Variants in AIM2 observed in about 807,000 individuals in gnomAD.
AIM2 encodes interferon-inducible protein AIM2.
In AIM2, 30 loss-of-function variants were observed where a neutral mutation model predicts 27.7. The observed-to-expected ratio is 1.08, with a 90% confidence interval of 0.81 to 1.47. The LOEUF is 1.47. Among genes scored for constraint, AIM2 ranks in the 40% most tolerant of loss-of-function variants. AIM2 has a pLI of 0.00. For synonymous variants in AIM2, 141 were observed against 145.3 expected (o/e 0.97, Z 0.21); for missense variants, 358 against 411.3 (o/e 0.87, Z 1.12).
At chr1:159,070,843 C>T (rs1422517193) in intron 2 of AIM2, among the ~76,000 whole-genome samples, 1 of 152,158 alleles carries the variant, frequency 6.6e-6, no homozygotes, top group Non-Finnish European at 1.5e-5. Flanking sequence ...CAGATAAAGT[C>T]TCTCTTCTAT....
At chr1:159,101,950 C>T (rs1019925007) in intron 1 of AIM2, among the ~76,000 whole-genome samples, 2 of 152,092 alleles carry the variant, frequency 1.3e-5, no homozygotes, top group Non-Finnish European at 2.9e-5. Context: ...CAGAAATTTG[C>T]GTAAGTAATG....
chr1:159,058,336 A>G (rs991156805), downstream of AIM2, among the ~76,000 whole-genome samples: 3 of 127,000 alleles, frequency 2.4e-5, no homozygotes, highest in African/African-American at 9.2e-5. Flanking sequence ...GTGACAGAGC[A>G]AGATTCTGTC....
At chr1:159,060,387 A>G (rs1210967744), downstream of AIM2, among the ~76,000 whole-genome samples, 1 of 152,224 alleles carries the variant, frequency 6.6e-6, no homozygotes, top group Non-Finnish European at 1.5e-5. Context: ...CCATAATTCT[A>G]TCTTCCAACC....
At chr1:159,137,976 C>CTGGTA (rs1648042590) in intron 1 of AIM2, among the ~76,000 whole-genome samples, 1 of 152,078 alleles carries the variant, frequency 6.6e-6, no homozygotes, top group South Asian at 2.1e-4. Context: ...TGCAAGGGTG[C>CTGGTA]TGGTATGGCA....
chr1:159,115,396 A>G (rs1647305498), intron 1 of AIM2, among the ~76,000 whole-genome samples: 2 of 152,192 alleles, frequency 1.3e-5, no homozygotes, highest in African/African-American at 4.8e-5. Flanking sequence ...AGCCAAAAGA[A>G]CAAAGCTGGA....
intron 1 of AIM2, among the ~76,000 whole-genome samples, chr1:159,134,964 A>G (rs774097394): frequency 7.2e-5 from 11 of 152,200 alleles, no homozygotes; most frequent in Non-Finnish European, 1.2e-4. Flanking sequence ...TATCTTTCAG[A>G]TTCAAGTCAA....
intron 1 of AIM2, among the ~76,000 whole-genome samples, chr1:159,137,880 C>T (rs1356218711): frequency 2.0e-5 from 3 of 152,128 alleles, no homozygotes; most frequent in Admixed American, 6.5e-5. Context: ...GAACGACATC[C>T]CTCATGAGAT....
At chr1:159,139,942 C>G (rs541531123) in intron 1 of AIM2, among the ~76,000 whole-genome samples, 6 of 152,296 alleles carry the variant, frequency 3.9e-5, no homozygotes, top group African/African-American at 1.4e-4. Context: ...TTAAGCACCT[C>G]CATTACCATG....
chr1:159,110,480 T>C (rs560611077), intron 1 of AIM2, among the ~76,000 whole-genome samples: 2 of 152,214 alleles, frequency 1.3e-5, no homozygotes, highest in African/African-American at 2.4e-5. Flanking sequence ...CCAAATTCTA[T>C]GTTCCTTTAG....
intron 2 of AIM2, among the ~76,000 whole-genome samples, 157 bp downstream of exon 2, chr1:159,073,081 C>T (rs372631341): frequency 3.9e-5 from 6 of 152,086 alleles, no homozygotes; most frequent in South Asian, 4.1e-4. Context: ...TTCCTAGAAG[C>T]GATTCTCAGT....
At chr1:159,093,108 T>C (rs1427271963) in intron 1 of AIM2, among the ~76,000 whole-genome samples, 1 of 152,048 alleles carries the variant, frequency 6.6e-6, no homozygotes, top group African/African-American at 2.4e-5. Flanking sequence ...GGCTGAAATC[T>C]TAACCCCATA....
intron 1 of AIM2, among the ~76,000 whole-genome samples, chr1:159,093,704 A>G (rs1009658575): frequency 1.0e-3 from 155 of 150,982 alleles, no homozygotes; most frequent in African/African-American, 3.6e-3. Flanking sequence ...ATATATATAT[A>G]CATATATATG....
intron 1 of AIM2, among the ~76,000 whole-genome samples, chr1:159,094,125 C>G: frequency 6.6e-6 from 1 of 152,090 alleles, no homozygotes; most frequent in South Asian, 2.1e-4. Context: ...TAATAAGACA[C>G]AAAATTTAGT....
intron 4 of AIM2, 52 bp from the exon 5 acceptor site, chr1:159,063,726 G>T (rs376576863): frequency 6.5e-7 from 1 of 1,539,592 alleles, no homozygotes; most frequent in Non-Finnish European, 8.9e-7. Flanking sequence ...AATGAATGCC[G>T]CATCAGTCAC....
the AIM2 span, among the ~76,000 whole-genome samples, chr1:159,056,350 T>C: frequency 1.3e-5 from 2 of 152,110 alleles, no homozygotes; most frequent in Non-Finnish European, 2.9e-5. Context: ...CTGGAGTTTC[T>C]CTGGGGACCC....
At chr1:159,111,827 CTATCATCTATCT>C (rs1429536067) in intron 1 of AIM2, among the ~76,000 whole-genome samples, 1 of 132,296 alleles carries the variant, frequency 7.6e-6, no homozygotes, top group African/African-American at 3.0e-5. Flanking sequence ...ATCTATCTAT[CTATCATCTATCT>C]ATCTATCTAT....
rs143103671 is a variant in AIM2, at chr1:159,075,471, C to T, written c.-21+1162G>A. ...TTTCTTTGTAGGAAACACACACATC[C>T]GTGCACACACACACACTAAACAAAG... On this transcript the variant is annotated intron_variant, in intron 1 of 5. Transcript: ENST00000368130. Among the ~76,000 whole-genome samples the T allele has an allele frequency of 3.3e-3, 500 of 151,178 alleles. 4 individuals are homozygous for T. The highest frequency in any genetic ancestry group is 0.011 in the South Asian group (53 of 4,766).
intron 1 of AIM2, among the ~76,000 whole-genome samples, chr1:159,075,361 T>G (rs964946528): frequency 2.0e-5 from 3 of 151,944 alleles, no homozygotes; most frequent in Admixed American, 6.6e-5. Flanking sequence ...TACATTGAAG[T>G]AGAAGGAGGT....
intron 1 of AIM2, among the ~76,000 whole-genome samples, chr1:159,074,423 A>G (rs1656505001): frequency 6.6e-6 from 1 of 152,112 alleles, no homozygotes; most frequent in African/African-American, 2.4e-5. Context: ...CCAGAATCAT[A>G]TGTTAAAAAG....
Sources: allele counts gnomAD v4.1 joint callset (sites outside exome capture counted in the v4.1 genomes callset), GRCh38; gene constraint gnomAD v4.1.1; transcripts MANE v1.5; gene names NCBI Gene and HGNC (gene_info 2026-07-23, HGNC 2026-07-21).